Variants in ING2 observed in about 807,000 individuals in gnomAD.
ING2 encodes the protein inhibitor of growth protein 2.
ING2 carries 7 observed loss-of-function variants against 30.6 expected under a neutral mutation model. That is an observed-to-expected ratio of 0.23 (90% confidence interval 0.13 to 0.43). ING2 has a LOEUF of 0.43. ING2 is among the 20% of genes least tolerant of loss of function. The pLI is 1.00. For missense variants in ING2, 239 were observed against 334.9 expected (o/e 0.71, Z 2.24); for synonymous variants, 136 against 121.7 (o/e 1.12, Z -0.78).
Position 183,510,680 on chromosome 4 carries a change from C to T in ING2, c.571C>T (p.Arg191Cys), listed in dbSNP as rs868780807. Reference sequence around the variant, plus strand: ...ATCCAAGTCAGCAAAGAAAAAGAAACGCTCCAAGGCCAAGCAGGAAAGGGA... The same window carrying T: ...ATCCAAGTCAGCAAAGAAAAAGAAATGCTCCAAGGCCAAGCAGGAAAGGGA... Reference protein sequence around the residue: ...KKSKSAKKKKRSKAKQEREAS... With the variant: ...KKSKSAKKKKCSKAKQEREAS... The change falls in exon 2 of 2, where the codon CGC (arginine) becomes TGC (cysteine). Residue 191 changes from arginine (R) to cysteine (C), a missense_variant. Around this residue, in one of 5 missense-constraint regions of ING2, gnomAD observed 115 missense variants for 120.1 expected, o/e 0.96. Coordinates refer to ENST00000302327, the MANE Select transcript of ING2 (RefSeq NM_001564.4). 6.2e-7 allele frequency: 1 copy of T among 1,614,090 alleles called. No individual in the cohort carries two copies.
rs1190475244 is a variant in ING2 at position 183,512,173 on chromosome 4, C to A, written c.*1221C>A. On this transcript the variant is annotated 3_prime_UTR_variant, in exon 2 of 2. Transcript: ENST00000302327. ...TGTGTGTAACGTATGTTTTATTCCT[C>A]ATTTCTTCCTAATCTGATGATCTTG... Among the ~76,000 whole-genome samples, 1 of 152,110 alleles carries A rather than the reference C, an allele frequency of 6.6e-6. No homozygotes were observed. Among genetic ancestry groups the A allele is most frequent in the Non-Finnish European group, 1.5e-5 (1 of 68,008 alleles).
intron 1 of ING2, chr4:183,506,002 C>G (rs1159667360): frequency 1.2e-6 from 1 of 841,022 alleles, no homozygotes; most frequent in East Asian, 1.0e-4. Flanking sequence ...AGGGGTCCCC[C>G]GCGGGAGAGG....
Position 183,505,128 on chromosome 4 carries a change from G to T in ING2, c.-68G>T. ...CCGGGCTGCTGAGCTGAGGGCCCGC[G>T]GCGGCCGCGGCCGGTGCATGTGCGG... On this transcript the variant is annotated 5_prime_UTR_variant, in exon 1 of 2. Coordinates refer to ENST00000302327, the MANE Select transcript of ING2 (RefSeq NM_001564.4). The T allele has an allele frequency of 6.9e-7, 1 of 1,451,262 alleles. No homozygotes were observed. The highest frequency in any genetic ancestry group is 9.1e-7 in the Non-Finnish European group (1 of 1,101,906). 89.9% of individuals were successfully genotyped at this position (1,451,262 alleles called of 1,614,324 possible). A position where few individuals can be genotyped will look rare whatever the true frequency, so the allele number is the denominator to read the frequency against.
rs1053968725 is a variant in ING2 at position 183,507,325 on chromosome 4, T to G, written c.172+1958T>G. Among the ~76,000 whole-genome samples, 8 of 152,344 alleles carry G rather than the reference T, an allele frequency of 5.3e-5. No individual in the cohort carries two copies. The Middle Eastern group carries it at 0.01, about 194-fold the overall frequency. On this transcript the variant is annotated intron_variant, in intron 1 of 1. Transcript: ENST00000302327. ...CATGTTGGCCAGGATGGTCTTGAAC[T>G]CCTGACCTCAGGGGACCCGCCCGCC...
intron 1 of ING2, chr4:183,506,055 G>A (rs964179918): frequency 6.3e-6 from 7 of 1,110,126 alleles, no homozygotes; most frequent in Non-Finnish European, 7.8e-6. Flanking sequence ...CGCGCCGGGG[G>A]CGGGGCCTGC....
intron 1 of ING2, among the ~76,000 whole-genome samples, chr4:183,509,794 T>A (rs1579170052): frequency 2.2e-5 from 3 of 138,156 alleles, no homozygotes; most frequent in Non-Finnish European, 3.1e-5. Context: ...AGTGCAGCGG[T>A]GCGATCTCGG....
chr4:183,508,179 T>C (rs1237757266), intron 1 of ING2, among the ~76,000 whole-genome samples: 2 of 152,042 alleles, frequency 1.3e-5, no homozygotes, highest in Non-Finnish European at 2.9e-5. Flanking sequence ...TGAGAAAATC[T>C]TTACCACATA....
intron 1 of ING2, among the ~76,000 whole-genome samples, chr4:183,510,030 C>G (rs1428263513): frequency 1.3e-5 from 2 of 152,198 alleles, no homozygotes; most frequent in African/African-American, 4.8e-5. Flanking sequence ...GCCACCGCGC[C>G]CAGCCTCTTT....
chr4:183,510,593 G>C lies in ING2; in HGVS notation c.484G>C (p.Asp162His). ...CAGGCAGCGGACCAGTGAAAGCCGT[G>C]ATTTATGTCACATGGCAAATGGGAT... is the stretch of plus-strand genomic sequence containing the variant. ...PRRQRTSESR[D>H]LCHMANGIED... is the part of the protein sequence containing the mutation. The change falls in exon 2 of 2, where the codon GAT becomes CAT. Residue 162 changes from aspartate (D) to histidine (H), a missense_variant. By Grantham distance (81) the Asp-to-His change is moderately conservative. This residue lies in a region of ING2 where 115 missense variants were observed against 120.1 expected (regional missense o/e 0.96). Coordinates refer to ENST00000302327, the MANE Select transcript of ING2 (RefSeq NM_001564.4). The C allele has an allele frequency of 6.2e-7, 1 of 1,614,072 alleles. No individual in the cohort carries two copies. The highest frequency in any genetic ancestry group is 8.5e-7 in the Non-Finnish European group (1 of 1,180,020).
rs924540573 is a variant in ING2 at position 183,511,511 on chromosome 4, G to A, written c.*559G>A. On this transcript the variant is annotated 3_prime_UTR_variant, in exon 2 of 2. Coordinates refer to ENST00000302327, the MANE Select transcript of ING2 (RefSeq NM_001564.4). Reference sequence around the variant, plus strand: ...CATGTGGAATAATGTGCTCTTATGAGAGTACGTGCTGCTGTCTTTTGCTTA... The same window carrying A: ...CATGTGGAATAATGTGCTCTTATGAAAGTACGTGCTGCTGTCTTTTGCTTA... Among the ~76,000 whole-genome samples, 1 of 152,222 alleles carries A rather than the reference G, an allele frequency of 6.6e-6. No homozygotes were observed. Among genetic ancestry groups the A allele is most frequent in the Admixed American group, 6.5e-5 (1 of 15,276 alleles).
intron 1 of ING2, among the ~76,000 whole-genome samples, chr4:183,507,577 T>A (rs1454846919): frequency 2.0e-5 from 3 of 152,178 alleles, no homozygotes; most frequent in African/African-American, 7.2e-5. Context: ...CTTACAAGAT[T>A]GAGAGATTAT....
At position 183,505,162 on chromosome 4, in the gene ING2, T is replaced by TGCGGAG; in HGVS notation, c.-29_-24dup. ...GGCCGGTGCATGTGCGGCTGCTGGA[T>TGCGGAG]GCGGAGGCGGCGGCGACGGCGCGGA... is the stretch of plus-strand genomic sequence containing the variant. On this transcript the variant is annotated 5_prime_UTR_variant, in exon 1 of 2. Coordinates refer to ENST00000302327, the MANE Select transcript of ING2 (RefSeq NM_001564.4). 5 of 1,578,456 alleles carry TGCGGAG rather than the reference T, an allele frequency of 3.2e-6. No individual in the cohort carries two copies. The highest frequency in any genetic ancestry group is 4.3e-6 in the Non-Finnish European group (5 of 1,165,614).
At chr4:183,510,046 A>G (rs566148491) in intron 1 of ING2, among the ~76,000 whole-genome samples, 2 of 152,314 alleles carry the variant, frequency 1.3e-5, no homozygotes, top group Non-Finnish European at 2.9e-5. Flanking sequence ...TCTTTTTAAT[A>G]TAGATTAATG....
chr4:183,510,675 A>G lies in ING2; in HGVS notation c.566A>G (p.Lys189Arg). Residue 189 changes from lysine (K) to arginine (R), a missense_variant, in exon 2 of 2, where the codon AAG becomes AGG. Lys to Arg is a conservative substitution (Grantham distance 26). This residue lies in a region of ING2 where 115 missense variants were observed against 120.1 expected (regional missense o/e 0.96). Coordinates refer to ENST00000302327, the MANE Select transcript of ING2 (RefSeq NM_001564.4). ...KEKKSKSAKK[K>R]KRSKAKQERE... ...AAGAAATCCAAGTCAGCAAAGAAAA[A>G]GAAACGCTCCAAGGCCAAGCAGGAA... 6.2e-6 allele frequency: 10 copies of G among 1,614,218 alleles called. No homozygotes were observed. The highest frequency in any genetic ancestry group is 8.5e-6 in the Non-Finnish European group (10 of 1,180,026).
intron 1 of ING2, among the ~76,000 whole-genome samples, chr4:183,508,603 GAT>G (rs1734738360): frequency 2.0e-5 from 3 of 152,298 alleles, no homozygotes; most frequent in Non-Finnish European, 2.9e-5. Context: ...GGGAGAAGCT[GAT>G]TAATGAGTTC....
rs967320156 is a variant in ING2 at position 183,505,146 on chromosome 4, A to T, written c.-50A>T. On this transcript the variant is annotated 5_prime_UTR_variant, in exon 1 of 2. An upstream start codon of the reference 5' UTR is lost. Coordinates refer to ENST00000302327, the MANE Select transcript of ING2 (RefSeq NM_001564.4). ...GGCCCGCGGCGGCCGCGGCCGGTGC[A>T]TGTGCGGCTGCTGGATGCGGAGGCG... The T allele has an allele frequency of 1.3e-6, 2 of 1,552,662 alleles. No homozygotes were observed. Among genetic ancestry groups the T allele is most frequent in the South Asian group, 2.3e-5 (2 of 85,416 alleles).
Position 183,511,093 on chromosome 4 carries a change from T to C in ING2, c.*141T>C, listed in dbSNP as rs567592499. 4.2e-5 allele frequency: 29 copies of C among 688,836 alleles called. No individual in the cohort carries two copies. In the Admixed American group the frequency reaches 7.9e-4, roughly 19 times the overall value. 42.7% of individuals were successfully genotyped at this position (688,836 alleles called of 1,614,324 possible). A position where few individuals can be genotyped will look rare whatever the true frequency, so the allele number is the denominator to read the frequency against. ...AATGGTGTATTAAAAGTTGTTGTAC[T>C]TTGTCTGTGACCTTAATTTTCTGCA... is the stretch of plus-strand genomic sequence containing the variant. On this transcript the variant is annotated 3_prime_UTR_variant, in exon 2 of 2. Coordinates refer to ENST00000302327, the MANE Select transcript of ING2 (RefSeq NM_001564.4).
At chr4:183,509,780 C>G (rs1180330087) in intron 1 of ING2, among the ~76,000 whole-genome samples, 1 of 138,556 alleles carries the variant, frequency 7.2e-6, no homozygotes, top group Non-Finnish European at 1.5e-5. Flanking sequence ...GTCGCCCAGA[C>G]CGGAGTGCAG....
At chr4:183,506,423 G>T (rs1734650571) in intron 1 of ING2, 3 of 840,194 alleles carry the variant, frequency 3.6e-6, no homozygotes, top group African/African-American at 3.5e-5. Flanking sequence ...GACTTTAAGT[G>T]TGGAGGCGAA....
Sources: allele counts gnomAD v4.1 joint callset (sites outside exome capture counted in the v4.1 genomes callset), GRCh38; gene constraint gnomAD v4.1.1; regional missense constraint gnomAD v4.1.1; transcripts MANE v1.5; gene names NCBI Gene and HGNC (gene_info 2026-07-23, HGNC 2026-07-21).